Variants in JMJD1C observed in about 807,000 individuals in gnomAD.
JMJD1C encodes the protein jumonji domain containing 1C, also known as jumonji domain-containing protein 1C.
Under a neutral mutation model 245.3 loss-of-function variants are expected in JMJD1C, and 31 were observed. The ratio of observed to expected loss-of-function variants is 0.13; its 90% confidence interval spans 0.09 to 0.17. The LOEUF is 0.17. Ranked by LOEUF, JMJD1C falls within the 10% of genes least tolerant of loss-of-function variation. The pLI is 1.00. For missense variants in JMJD1C, 2,691 were observed against 3,000.2 expected (o/e 0.90, Z 2.41); for synonymous variants, 1,057 against 1,017.4 (o/e 1.04, Z -0.74).
chr10:63,217,084 A>C (rs1050930464), intron 5 of JMJD1C, 123 bp downstream of exon 5: 21 of 852,830 alleles, frequency 2.5e-5, no homozygotes, highest in Non-Finnish European at 3.0e-5. Flanking sequence ...AACTTACTAG[A>C]ATTACACGAC....
chr10:63,505,830 C>T (rs1357618751), intron 1 of JMJD1C, among the ~76,000 whole-genome samples: 2 of 129,558 alleles, frequency 1.5e-5, no homozygotes, highest in East Asian at 2.5e-4. Context: ...AGTACCCACC[C>T]CCCATCAACA....
At chr10:63,435,603 T>C (rs554557568) in intron 1 of JMJD1C, among the ~76,000 whole-genome samples, 1 of 152,184 alleles carries the variant, frequency 6.6e-6, no homozygotes, top group Admixed American at 6.5e-5. Context: ...TGAAAATGAC[T>C]TAAGAGGGTG....
intron 2 of JMJD1C, among the ~76,000 whole-genome samples, chr10:63,305,462 CT>C: frequency 3.6e-5 from 1 of 27,534 alleles, no homozygotes; most frequent in Admixed American, 5.8e-4. Flanking sequence ...CTCTGACCCT[CT>C]CTCTCTCTCT....
intron 1 of JMJD1C, among the ~76,000 whole-genome samples, chr10:63,394,626 C>T (rs1299501187): frequency 6.6e-6 from 1 of 151,772 alleles, no homozygotes; most frequent in African/African-American, 2.4e-5. Flanking sequence ...AGATAGATCA[C>T]CTGAGGTTGG....
At chr10:63,432,490 C>T (rs1950816798) in intron 1 of JMJD1C, among the ~76,000 whole-genome samples, 4 of 152,144 alleles carry the variant, frequency 2.6e-5, no homozygotes, top group Admixed American at 2.0e-4. Flanking sequence ...GCTTCCTCCT[C>T]CTTCCTGCCT....
intron 10 of JMJD1C, among the ~76,000 whole-genome samples, chr10:63,201,582 AG>A (rs1846011084): frequency 6.6e-6 from 1 of 152,210 alleles, no homozygotes; most frequent in Non-Finnish European, 1.5e-5. Context: ...CTGGACCGAG[AG>A]GAACTCCAAA....
intron 1 of JMJD1C, among the ~76,000 whole-genome samples, chr10:63,412,805 T>TAA (rs1038897056): frequency 6.6e-4 from 101 of 152,318 alleles, no homozygotes; most frequent in African/African-American, 2.3e-3. Context: ...TCTAAATTTT[T>TAA]AAAAATATTT....
intron 2 of JMJD1C, among the ~76,000 whole-genome samples, chr10:63,288,833 C>T (rs1007364472): frequency 2.0e-5 from 3 of 151,050 alleles, no homozygotes; most frequent in African/African-American, 7.3e-5. Context: ...GAGCCAAGAT[C>T]GCACCACTGC....
At chr10:63,348,249 A>G (rs1007004154) in intron 2 of JMJD1C, among the ~76,000 whole-genome samples, 4 of 152,126 alleles carry the variant, frequency 2.6e-5, no homozygotes, top group African/African-American at 7.2e-5. Flanking sequence ...CAAGACATCA[A>G]AAAGTCCTGG....
chr10:63,255,988 A>G (rs1050787453), intron 3 of JMJD1C, among the ~76,000 whole-genome samples: 2 of 152,154 alleles, frequency 1.3e-5, no homozygotes, highest in Non-Finnish European at 2.9e-5. Context: ...AGAAACCAGA[A>G]AATCTTTCTC....
At position 63,214,937 on chromosome 10, in the gene JMJD1C, A is replaced by G; in HGVS notation, c.1230T>C (p.Asn410=). ...TATTATGGGGTTTTCCTTCTTCTCC[A>G]TTTATTTTTGAAGTATTTTTATTTT... ...ELKNKNTSKI[N]GEEGKPHNNE... Residue 410 remains asparagine (N), a synonymous_variant, in exon 8 of 26, where the codon AAT becomes AAC. Coordinates refer to ENST00000399262, the MANE Select transcript of JMJD1C (RefSeq NM_032776.3). The G allele has an allele frequency of 6.2e-7, 1 of 1,603,858 alleles. No homozygotes were observed. The highest frequency in any genetic ancestry group is 8.5e-7 in the Non-Finnish European group (1 of 1,175,568).
intron 1 of JMJD1C, among the ~76,000 whole-genome samples, chr10:63,433,419 G>C (rs757949283): frequency 6.6e-6 from 1 of 151,858 alleles, no homozygotes; most frequent in Non-Finnish European, 1.5e-5. Context: ...TATTTATTTA[G>C]ATACTGAGAA....
chr10:63,276,249 A>G (rs567443020), intron 2 of JMJD1C, among the ~76,000 whole-genome samples: 2 of 152,010 alleles, frequency 1.3e-5, no homozygotes, highest in Admixed American at 1.3e-4. Context: ...GGCAGATCAC[A>G]AGGTCAGGAG....
At chr10:63,460,157 A>G (rs927016169) in intron 1 of JMJD1C, among the ~76,000 whole-genome samples, 4 of 152,198 alleles carry the variant, frequency 2.6e-5, no homozygotes, top group African/African-American at 9.7e-5. Flanking sequence ...GATAAAAGAT[A>G]GAATGGATAC....
At chr10:63,195,532 C>G (rs1240847752) in intron 13 of JMJD1C, among the ~76,000 whole-genome samples, 2 of 152,110 alleles carry the variant, frequency 1.3e-5, no homozygotes, top group African/African-American at 4.8e-5. Flanking sequence ...TGGATTACCA[C>G]TCCATGAAGC....
At chr10:63,439,204 ATAC>A in intron 1 of JMJD1C, among the ~76,000 whole-genome samples, 1 of 152,324 alleles carries the variant, frequency 6.6e-6, no homozygotes, top group Non-Finnish European at 1.5e-5. Flanking sequence ...CCATTAGTAC[ATAC>A]TCAAAATTCT....
At chr10:63,489,148 C>T (rs578249607) in intron 1 of JMJD1C, among the ~76,000 whole-genome samples, 1 of 152,238 alleles carries the variant, frequency 6.6e-6, no homozygotes, top group South Asian at 2.1e-4. Context: ...GCCTGTAATC[C>T]CAGCACTTTG....
chr10:63,435,237 C>T (rs2132876186), intron 1 of JMJD1C, among the ~76,000 whole-genome samples: 1 of 152,274 alleles, frequency 6.6e-6, no homozygotes, highest in South Asian at 2.1e-4. Context: ...GGATGTAACA[C>T]ACTGCTATTT....
Position 63,419,993 on chromosome 10 carries a change from G to A in JMJD1C, c.169-39511C>T, listed in dbSNP as rs868165003. Among the ~76,000 whole-genome samples the A allele has an allele frequency of 5.3e-5, 8 of 151,822 alleles. No homozygotes were observed. The East Asian group carries it at 5.8e-4, about 11-fold the overall frequency. ...TCTATTAAAAATACAATAATTAGCC[G>A]GGCATGATGGCGCGCGCCTGGAGTC... On this transcript the variant is annotated intron_variant, in intron 1 of 25. Coordinates refer to ENST00000399262, the MANE Select transcript of JMJD1C (RefSeq NM_032776.3).
Sources: gnomAD v4.1 joint callset for allele counts (sites outside exome capture counted in the v4.1 genomes callset) on GRCh38, gnomAD v4.1.1 for gene constraint, MANE v1.5 for transcripts, NCBI Gene and HGNC (gene_info 2026-07-23, HGNC 2026-07-21) for gene names.